The following PAICS variants were observed in gnomAD, a reference collection of about 807,000 sequenced individuals.
PAICS encodes the protein phosphoribosylaminoimidazole carboxylase and phosphoribosylaminoimidazolesuccinocarboxamide synthase.
In PAICS, 33 loss-of-function variants were observed where a neutral mutation model predicts 53.7. The observed-to-expected ratio is 0.61, with a 90% CI of 0.47 to 0.82. PAICS has a LOEUF of 0.82. PAICS is among the 40% of genes least tolerant of loss of function. PAICS has a pLI of 0.00. For missense variants in PAICS, 394 were observed against 494.1 expected (o/e 0.80, Z 1.92); for synonymous variants, 141 against 167.2 (o/e 0.84, Z 1.21).
rs998651877 is a variant in PAICS at position 56,462,499 on chromosome 4, G to A, written c.*2961G>A. 2.0e-5 allele frequency: 3 copies of A among 152,224 alleles called. No homozygotes were observed. Among genetic ancestry groups the A allele is most frequent in the African/African-American group, 7.2e-5 (3 of 41,450 alleles). The allele number at this position is 152,224 out of a possible 1,614,324, so 9.4% of individuals were successfully genotyped here. Reference sequence around the variant, plus strand: ...GTTAAGAGGCTATTGTAGCCCAGGTGAGGGATGATGTATGATCTTCAACAT... The same window carrying A: ...GTTAAGAGGCTATTGTAGCCCAGGTAAGGGATGATGTATGATCTTCAACAT... On this transcript the variant is annotated 3_prime_UTR_variant, in exon 9 of 9. Transcript: ENST00000512576.
At chr4:56,448,007 CTTTTTTTTTTTT>C (rs35788109) in intron 3 of PAICS, among the ~76,000 whole-genome samples, 3 of 122,026 alleles carry the variant, frequency 2.5e-5, no homozygotes, top group African/African-American at 9.3e-5. Context: ...AATTTCTTTT[CTTTTTTTTTTTT>C]TTTTTTGAGA....
chr4:56,446,336 G>A (rs1405734576), intron 2 of PAICS: 2 of 717,182 alleles, frequency 2.8e-6, no homozygotes, highest in Admixed American at 4.0e-5. Flanking sequence ...TCTCTTTTCT[G>A]TCTGAATTTG....
the PAICS span, chr4:56,429,039 C>T: frequency 1.5e-6 from 1 of 646,692 alleles, no homozygotes; most frequent in Non-Finnish European, 1.9e-6. Context: ...TTCTTCCACA[C>T]AGTGGAAACA....
At chr4:56,423,291 T>C in the PAICS span, 1 of 152,214 alleles carries the variant, frequency 6.6e-6, no homozygotes, top group African/African-American at 2.4e-5. Flanking sequence ...TAGGTTTCCA[T>C]AGGCATCACA....
Position 56,459,632 on chromosome 4 carries a change from A to AG in PAICS, c.*95dup. On this transcript the variant is annotated 3_prime_UTR_variant, in exon 9 of 9. Transcript: ENST00000512576. ...CAAGATGAAAAGGTAATTTTAAATT[A>AG]GAGAACACAAATAAAATGTATTAGT... The AG allele has an allele frequency of 2.2e-6, 2 of 916,566 alleles. No individual in the cohort carries two copies. The highest frequency in any genetic ancestry group is 3.3e-6 in the Non-Finnish European group (2 of 611,438). 56.8% of individuals were successfully genotyped at this position (916,566 alleles called of 1,614,324 possible).
chr4:56,436,536 A>G (rs2110076919), intron 1 of PAICS: 1 of 710,604 alleles, frequency 1.4e-6, no homozygotes. Context: ...GTAGAGGAGA[A>G]CGAGAAATGG....
At chr4:56,442,720 A>G (rs971752357) in intron 2 of PAICS, among the ~76,000 whole-genome samples, 9 of 152,312 alleles carry the variant, frequency 5.9e-5, no homozygotes, top group East Asian at 3.9e-4. Flanking sequence ...TTTAATTCCA[A>G]TATTCCCAGT....
chr4:56,440,181 G>C (rs548044971), intron 1 of PAICS, among the ~76,000 whole-genome samples: 1 of 152,356 alleles, frequency 6.6e-6, no homozygotes, highest in Admixed American at 6.5e-5. Context: ...GGAAAGAAGA[G>C]ATTGTCAGAA....
At chr4:56,424,986 G>A in the PAICS span, among the ~76,000 whole-genome samples, 1 of 152,186 alleles carries the variant, frequency 6.6e-6, no homozygotes, top group African/African-American at 2.4e-5. Context: ...AGGTCACGCT[G>A]ATCTTCAGCC....
chr4:56,456,336 C>G (rs1306909216), intron 8 of PAICS, among the ~76,000 whole-genome samples: 1 of 152,226 alleles, frequency 6.6e-6, no homozygotes, highest in Admixed American at 6.5e-5. Context: ...AGGTGATCTG[C>G]CTGCCCTGGC....
At chr4:56,456,961 A>C (rs1387276889) in intron 8 of PAICS, among the ~76,000 whole-genome samples, 2 of 152,168 alleles carry the variant, frequency 1.3e-5, no homozygotes, top group East Asian at 3.9e-4. Flanking sequence ...CCGTGTCAAA[A>C]TTGGGCTTCA....
upstream of PAICS, among the ~76,000 whole-genome samples, chr4:56,432,992 G>A (rs1033341899): frequency 5.1e-5 from 7 of 137,332 alleles, no homozygotes; most frequent in African/African-American, 1.7e-4. Flanking sequence ...ATACACACAC[G>A]TATTTTATAT....
intron 2 of PAICS, 90 bp from the exon 3 acceptor site, chr4:56,446,605 C>T (rs1560660147): frequency 1.3e-6 from 1 of 748,742 alleles, no homozygotes; most frequent in Non-Finnish European, 2.2e-6. Context: ...TTCTTTGTTG[C>T]TTGTAAAGGG....
At chr4:56,420,106 T>G in the PAICS span, 1 of 579,050 alleles carries the variant, frequency 1.7e-6, no homozygotes, top group Non-Finnish European at 2.2e-6. Flanking sequence ...GGTTCAAGGA[T>G]CCCTTTTCCA....
chr4:56,441,881 C>G, intron 2 of PAICS, 21 bp downstream of exon 2: 1 of 1,514,498 alleles, frequency 6.6e-7, no homozygotes, highest in Non-Finnish European at 9.0e-7. Flanking sequence ...CCCTCAAAGT[C>G]TCTTCTCTCA....
chr4:56,452,169 CAT>C (rs372409668), intron 7 of PAICS, 117 bp downstream of exon 7: 2 of 677,302 alleles, frequency 3.0e-6, no homozygotes, highest in Non-Finnish European at 5.0e-6. Context: ...GGGAAAAACA[CAT>C]GATATACTAG....
the PAICS span, among the ~76,000 whole-genome samples, chr4:56,429,651 T>C: frequency 2.6e-5 from 4 of 152,194 alleles, no homozygotes; most frequent in Non-Finnish European, 5.9e-5. Flanking sequence ...GCCTTATAGA[T>C]TTATAATTTA....
the PAICS span, among the ~76,000 whole-genome samples, chr4:56,417,149 G>A: frequency 0.37 from 55,584 of 151,950 alleles, 10,513 homozygotes; most frequent in Non-Finnish European, 0.41. Context: ...GCACCCGGCC[G>A]CTTCTAATTT....
At chr4:56,426,219 G>A in the PAICS span, among the ~76,000 whole-genome samples, 1 of 152,024 alleles carries the variant, frequency 6.6e-6, no homozygotes, top group Non-Finnish European at 1.5e-5. Context: ...TGGCCAACAT[G>A]GTGAAACCCC....
Sources: allele counts gnomAD v4.1 joint callset (sites outside exome capture counted in the v4.1 genomes callset), GRCh38; gene constraint gnomAD v4.1.1; transcripts MANE v1.5; gene names NCBI Gene and HGNC (gene_info 2026-07-23, HGNC 2026-07-21).